Variants in KLHL21 observed in about 807,000 individuals in gnomAD.
KLHL21 encodes the protein kelch-like protein 21.
KLHL21 carries 42 observed loss-of-function variants against 44.1 expected under a neutral mutation model. The observed-to-expected ratio is 0.95, with a 90% CI of 0.74 to 1.23. The LOEUF is 1.23. Among genes scored for constraint, KLHL21 ranks in the 50% most tolerant of loss-of-function variants. The pLI is 0.00. For missense variants in KLHL21, 918 were observed against 889.1 expected (o/e 1.03, Z -0.41); for synonymous variants, 524 against 411.6 (o/e 1.27, Z -3.31).
intron 3 of KLHL21, chr1:6,594,053 G>A (rs140976150): frequency 4.9e-6 from 5 of 1,025,288 alleles, no homozygotes; most frequent in East Asian, 8.7e-5. Flanking sequence ...GCTCTGAACC[G>A]CGAGGCTGGA....
chr1:6,593,655 G>A lies in KLHL21; in HGVS notation c.1504C>T (p.His502Tyr). The A allele has an allele frequency of 1.3e-6, 2 of 1,571,624 alleles. No homozygotes were observed. The highest frequency in any genetic ancestry group is 2.4e-5 in the South Asian group (2 of 84,422). The part of the protein sequence containing the change: ...WDKIPSMNQV[H>Y]VGGSLAVLGG... ...AGGACGGCCAGGCTGCCCCCCACAT[G>A]TACCTGTGGGCCAAAGGGATGAGTG... The change falls in exon 4 of 4, where the codon CAT (histidine) becomes TAT (tyrosine). Residue 502 changes from histidine to tyrosine, a missense_variant. His to Tyr is a moderately conservative substitution (Grantham distance 83, BLOSUM62 2). Coordinates refer to ENST00000377658, the MANE Select transcript of KLHL21 (RefSeq NM_014851.4).
At position 6,599,305 on chromosome 1, in the gene KLHL21, TCGG is replaced by T. The variant is rs1206678157; in HGVS notation, c.1166_1168del (p.Ala389del). ...GGTGTGGTCATAGCGCTCGGTGCTG[TCGG>T]CGGCCACCACGTACAGCAGTCCGTC... On this transcript the variant is annotated inframe_deletion, in exon 2 of 4. Transcript: ENST00000377658. 1 of 1,613,924 alleles carries T rather than the reference TCGG, an allele frequency of 6.2e-7. No homozygotes were observed. Among genetic ancestry groups the T allele is most frequent in the African/African-American group, 1.3e-5 (1 of 75,026 alleles).
intron 2 of KLHL21, among the ~76,000 whole-genome samples, chr1:6,596,714 G>T (rs1412636210): frequency 6.6e-6 from 1 of 152,222 alleles, no homozygotes; most frequent in African/African-American, 2.4e-5. Context: ...CTGCTAGGCT[G>T]CCCTGTCTTT....
chr1:6,600,705 G>A (rs1641004376), intron 1 of KLHL21, among the ~76,000 whole-genome samples: 1 of 152,238 alleles, frequency 6.6e-6, no homozygotes, highest in Admixed American at 6.5e-5. Flanking sequence ...GAAAGCTGGG[G>A]CCAGTGTGGC....
At chr1:6,597,019 G>T (rs918376452) in intron 2 of KLHL21, among the ~76,000 whole-genome samples, 2 of 152,240 alleles carry the variant, frequency 1.3e-5, no homozygotes, top group African/African-American at 4.8e-5. Context: ...AGCCCAGGGG[G>T]ACCAGCCCCA....
In KLHL21 at chr1:6,602,075, G is replaced by C. The variant is rs1386626117; in HGVS notation, c.743C>G (p.Pro248Arg). 1.3e-6 allele frequency: 2 copies of C among 1,495,050 alleles called. No homozygotes were observed. Among genetic ancestry groups the C allele is most frequent in the Non-Finnish European group, 1.8e-6 (2 of 1,125,902 alleles). 92.6% of individuals were successfully genotyped at this position (1,495,050 alleles called of 1,614,324 possible). The change falls in exon 1 of 4, where the codon CCA (proline) becomes CGA (arginine). Residue 248 changes from proline to arginine, a missense_variant. Coordinates refer to ENST00000377658, the MANE Select transcript of KLHL21 (RefSeq NM_014851.4). Reference protein sequence around the residue: ...VEAEPLVARCPPCLRLLREAR... With the variant: ...VEAEPLVARCRPCLRLLREAR... ...CTCGCGCAGCAGGCGCAGGCAGGGT[G>C]GGCAGCGCGCCACCAGCGGCTCGGC...
At chr1:6,597,588 A>C (rs568818593) in intron 2 of KLHL21, among the ~76,000 whole-genome samples, 46 of 152,154 alleles carry the variant, frequency 3.0e-4, no homozygotes, top group Non-Finnish European at 6.0e-4. Context: ...TACTTGCGTG[A>C]CAAGCAACGC....
rs1212611537 is a variant in KLHL21, at chr1:6,601,846, C to T, written c.972G>A (p.Leu324=). The stretch of plus-strand genomic sequence containing the variant: ...GCGCCACGATGCTGTAGCCTCCGCC[C>T]AGGTGGTCTGGGAACTCGGCCAGGT... ...WRYLAEFPDH[L]GGGYSIVALG... The change falls in exon 1 of 4, where the codon CTG becomes CTA. Residue 324 remains leucine (L), a synonymous_variant. Transcript: ENST00000377658. 13 of 1,584,136 alleles carry T rather than the reference C, an allele frequency of 8.2e-6. No individual in the cohort carries two copies. The highest frequency in any genetic ancestry group is 1.1e-5 in the Non-Finnish European group (13 of 1,166,168).
chr1:6,594,338 A>T (rs1640894864), intron 3 of KLHL21: 3 of 152,538 alleles, frequency 2.0e-5, no homozygotes. Context: ...CCCTCTTCTC[A>T]ACAAGCCCAG....
Position 6,601,968 on chromosome 1 carries a change from G to C in KLHL21, c.850C>G (p.Leu284Val), listed in dbSNP as rs2148704282. ...CCCACGAGCACGAGGATCTCGGCGAGACCGGTGGACGGGCGAGGACGCATT... is the reference window on the plus strand; with the variant it reads ...CCCACGAGCACGAGGATCTCGGCGACACCGGTGGACGGGCGAGGACGCATT... Reference protein sequence around the residue: ...PRMRPRPSTGLAEILVLVGGC... With the variant: ...PRMRPRPSTGVAEILVLVGGC... Residue 284 changes from leucine to valine, a missense_variant, in exon 1 of 4, where the codon CTC becomes GTC. Physicochemically the swap from Leu to Val is conservative, Grantham distance 32 (BLOSUM62 1). Transcript: ENST00000377658. 6.4e-7 allele frequency: 1 copy of C among 1,557,224 alleles called. No individual in the cohort carries two copies.
In KLHL21 at chr1:6,593,240, T is replaced by C; in HGVS notation, c.*125A>G. On this transcript the variant is annotated 3_prime_UTR_variant, in exon 4 of 4. Coordinates refer to ENST00000377658, the MANE Select transcript of KLHL21 (RefSeq NM_014851.4). ...TCCAGGTAATGGATCCTGGGCTGGC[T>C]TCGCCACCCAAGAGCCTGTGCTCCT... 1 of 1,066,044 alleles carries C rather than the reference T, an allele frequency of 9.4e-7. No individual in the cohort carries two copies. Among genetic ancestry groups the C allele is most frequent in the Non-Finnish European group, 1.3e-6 (1 of 756,014 alleles). The allele number at this position is 1,066,044 out of a possible 1,614,324, so 66.0% of individuals were successfully genotyped here. A position where few individuals can be genotyped will look rare whatever the true frequency, so the allele number is the denominator to read the frequency against.
chr1:6,598,996 G>T, intron 2 of KLHL21, 51 bp downstream of exon 2: 1 of 1,503,138 alleles, frequency 6.7e-7, no homozygotes, highest in Non-Finnish European at 8.9e-7. Context: ...TTAAGACAGG[G>T]CCTGGTAAGA....
chr1:6,595,873 C>G lies in KLHL21; in HGVS notation c.1428-316G>C, dbSNP rs553434364. Reference sequence around the variant, plus strand: ...TACCAAGGTGGCTGTCCCCCACCCCCCAAGCCTACAGTAGCTCCCTTGAGA... The same window carrying G: ...TACCAAGGTGGCTGTCCCCCACCCCGCAAGCCTACAGTAGCTCCCTTGAGA... On this transcript the variant is annotated intron_variant, in intron 2 of 3. Transcript: ENST00000377658. Among the ~76,000 whole-genome samples, 118 of 152,322 alleles carry G rather than the reference C, an allele frequency of 7.7e-4. 2 individuals are homozygous for G. The South Asian group carries it at 0.019, about 25-fold the overall frequency.
chr1:6,602,173 C>A lies in KLHL21; in HGVS notation c.645G>T (p.Ala215=), dbSNP rs773439621. The A allele has an allele frequency of 2.8e-6, 4 of 1,428,310 alleles. No homozygotes were observed. The highest frequency in any genetic ancestry group is 2.9e-5 in the South Asian group (2 of 68,510). The allele number at this position is 1,428,310 out of a possible 1,614,324, so 88.5% of individuals were successfully genotyped here. ...CGGCCTCCAGCAGCTGCGGCCAGTG[C>A]GCGGCGCGGCGCGGCGGGTCAGCGC... The part of the protein sequence containing the change: ...WVRADPPRRA[A]HWPQLLEAVR... Residue 215 remains alanine, a synonymous_variant, in exon 1 of 4, where the codon GCG becomes GCT. Coordinates refer to ENST00000377658, the MANE Select transcript of KLHL21 (RefSeq NM_014851.4).
At chr1:6,600,561 C>T (rs1362670232) in intron 1 of KLHL21, among the ~76,000 whole-genome samples, 1 of 152,168 alleles carries the variant, frequency 6.6e-6, no homozygotes, top group Admixed American at 6.5e-5. Flanking sequence ...AGTTCTTGTT[C>T]TTAGGAAGTG....
rs550278332 is a variant in KLHL21, at chr1:6,592,987, C to A, written c.*378G>T. On this transcript the variant is annotated 3_prime_UTR_variant, in exon 4 of 4. Transcript: ENST00000377658. ...TCAGCCTCATGGGAGGACCCCTTCTCCCTTCACGCGTCCCTCCCAAGTCAT... is the reference window on the plus strand; with the variant it reads ...TCAGCCTCATGGGAGGACCCCTTCTACCTTCACGCGTCCCTCCCAAGTCAT... The A allele has an allele frequency of 1.4e-5, 3 of 207,876 alleles. No individual in the cohort carries two copies. The South Asian group carries it at 4.2e-4, about 29-fold the overall frequency. The allele number at this position is 207,876 out of a possible 1,614,324, so 12.9% of individuals were successfully genotyped here.
chr1:6,600,186 C>T (rs1431784612), intron 1 of KLHL21, among the ~76,000 whole-genome samples: 1 of 152,124 alleles, frequency 6.6e-6, no homozygotes, highest in Non-Finnish European at 1.5e-5. Flanking sequence ...GCTGGGACAA[C>T]AGGCACATGC....
intron 1 of KLHL21, among the ~76,000 whole-genome samples, chr1:6,600,491 C>T (rs1641001041): frequency 6.6e-6 from 1 of 152,242 alleles, no homozygotes; most frequent in Admixed American, 6.5e-5. Flanking sequence ...GCTGGCGCCA[C>T]AGGACAGAGC....
rs758057941 is a variant in KLHL21, at chr1:6,599,325, C to G, written c.1149G>C (p.Leu383=). 6.2e-7 allele frequency: 1 copy of G among 1,613,974 alleles called. No homozygotes were observed. Among genetic ancestry groups the G allele is most frequent in the Non-Finnish European group, 8.5e-7 (1 of 1,180,024 alleles). ...EYHSSSVLDG[L]LYVVAADSTE... is the part of the protein sequence containing the mutation. ...TGCTGTCGGCGGCCACCACGTACAGCAGTCCGTCCAGCACAGAGGAGCTGT... is the reference window on the plus strand; with the variant it reads ...TGCTGTCGGCGGCCACCACGTACAGGAGTCCGTCCAGCACAGAGGAGCTGT... Residue 383 remains leucine (L), a synonymous_variant, in exon 2 of 4, where the codon CTG becomes CTC. Transcript: ENST00000377658.
Sources: gnomAD v4.1 joint callset for allele counts (sites outside exome capture counted in the v4.1 genomes callset) on GRCh38, gnomAD v4.1.1 for gene constraint, MANE v1.5 for transcripts, NCBI Gene and HGNC (gene_info 2026-07-23, HGNC 2026-07-21) for gene names.